Variants in YIPF6 observed in about 807,000 individuals in gnomAD.
YIPF6 encodes the protein protein YIPF6.
A neutral mutation model predicts 16.8 loss-of-function variants in YIPF6; 3 were observed. The ratio of observed to expected loss-of-function variants is 0.18; its 90% CI spans 0.08 to 0.46. YIPF6 has a LOEUF of 0.46. Among genes scored for constraint, YIPF6 ranks in the 20% least tolerant of loss-of-function variants. The pLI, the probability that YIPF6 is intolerant of heterozygous loss-of-function variation, is 0.98. For synonymous variants in YIPF6, 67 were observed against 61.9 expected (o/e 1.08, Z -0.38); for missense variants, 145 against 184.9 (o/e 0.78, Z 1.25).
At chrX:68,513,698 A>G (rs2079090170) in intron 3 of YIPF6, 1 of 127,717 alleles carries the variant, frequency 7.8e-6, no homozygotes, top group African/African-American at 3.2e-5. Context: ...AGTAATTTTC[A>G]TGCCTCAGCC....
intron 1 of YIPF6, among the ~76,000 whole-genome samples, chrX:68,499,622 T>C (rs1266920789): frequency 9.0e-6 from 1 of 111,373 alleles, no homozygotes; most frequent in Admixed American, 9.6e-5. Context: ...ACCATACTTG[T>C]TCTCCTTTCT....
chrX:68,521,612 C>CTCAAA, intron 5 of YIPF6, 115 bp downstream of exon 5: 1 of 818,093 alleles, frequency 1.2e-6, no homozygotes, highest in African/African-American at 2.1e-5. Flanking sequence ...GTCACTCTGT[C>CTCAAA]ACCCAGGCTC....
chrX:68,533,311 C>G lies in YIPF6; in HGVS notation c.*1312C>G, dbSNP rs1384113779. 1 of 111,492 alleles carries G rather than the reference C, an allele frequency of 9.0e-6. No individual in the cohort carries two copies. The highest frequency in any genetic ancestry group is 3.3e-5 in the African/African-American group (1 of 30,664). 9.2% of individuals were successfully genotyped at this position (111,492 alleles called of 1,213,427 possible). On this transcript the variant is annotated 3_prime_UTR_variant, in exon 7 of 7. Coordinates refer to ENST00000462683, the MANE Select transcript of YIPF6 (RefSeq NM_173834.4). ...GCATCTGGGACAGGCTGATTCTGAG[C>G]TAAACAGGGCTCCTTTAAGGCAATA...
chrX:68,503,659 C>T (rs7055305), intron 1 of YIPF6, among the ~76,000 whole-genome samples: 10,651 of 111,357 alleles, frequency 0.096, 1,115 homozygotes, highest in African/African-American at 0.31. Context: ...GGCCAAACTG[C>T]ACAGGTTAAA....
chrX:68,503,938 C>T (rs1017730826), intron 1 of YIPF6, among the ~76,000 whole-genome samples: 1 of 112,008 alleles, frequency 8.9e-6, no homozygotes, highest in Non-Finnish European at 1.9e-5. Context: ...AGGCTGGTCT[C>T]GAACTCCTGA....
chrX:68,499,248 C>G (rs2079031737), intron 1 of YIPF6, 125 bp downstream of exon 1: 7 of 900,053 alleles, frequency 7.8e-6, no homozygotes, highest in Non-Finnish European at 1.1e-5. Context: ...TTCTTGTACC[C>G]GATGCCAGAA....
At chrX:68,518,627 G>A in intron 3 of YIPF6, 143 bp from the exon 4 acceptor site, 1 of 576,181 alleles carries the variant, frequency 1.7e-6, no homozygotes, top group South Asian at 3.0e-5. Context: ...GGGACAGGGA[G>A]GGCAGGTGGT....
Position 68,532,064 on chromosome X carries a change from G to A in YIPF6, c.*65G>A. On this transcript the variant is annotated 3_prime_UTR_variant, in exon 7 of 7. Transcript: ENST00000462683. ...CATCTGAAAGATGCAATTCACCATGGAGCTTTGTCTCTGGCCCTTATTTGT... is the reference window on the plus strand; with the variant it reads ...CATCTGAAAGATGCAATTCACCATGAAGCTTTGTCTCTGGCCCTTATTTGT... The A allele has an allele frequency of 1.1e-6, 1 of 878,370 alleles. No individual in the cohort carries two copies. The highest frequency in any genetic ancestry group is 1.6e-6 in the Non-Finnish European group (1 of 612,150). 72.4% of individuals were successfully genotyped at this position (878,370 alleles called of 1,213,427 possible).
Position 68,518,701 on chromosome X carries a change from GGA to G in YIPF6, c.266-63_266-62del, listed in dbSNP as rs766991158. 81 of 1,118,363 alleles carry G rather than the reference GGA, an allele frequency of 7.2e-5. No homozygotes were observed. The African/African-American group carries it at 1.3e-3, about 17-fold the overall frequency. 92.2% of individuals were successfully genotyped at this position (1,118,363 alleles called of 1,213,427 possible). ...AGCCTTGATGTCTGAATTCTAGGAGGGAGAGAGGTAGATATTAGAATAAAGAC... is the reference window on the plus strand; with the variant it reads ...AGCCTTGATGTCTGAATTCTAGGAGGGAGAGGTAGATATTAGAATAAAGAC... On this transcript the variant is annotated intron_variant, in intron 3 of 6. Transcript: ENST00000462683.
intron 5 of YIPF6, among the ~76,000 whole-genome samples, chrX:68,522,494 T>C (rs1488709278): frequency 9.1e-6 from 1 of 109,492 alleles, no homozygotes; most frequent in Non-Finnish European, 1.9e-5. Context: ...AGAGACGGGG[T>C]TTCACCATGT....
At chrX:68,504,638 C>T (rs1798305031) in intron 1 of YIPF6, among the ~76,000 whole-genome samples, 1 of 112,296 alleles carries the variant, frequency 8.9e-6, no homozygotes, top group South Asian at 3.7e-4. Context: ...AGTGACAGAA[C>T]TGGAATTGAC....
intron 3 of YIPF6, among the ~76,000 whole-genome samples, chrX:68,515,851 C>T (rs979591280): frequency 9.0e-6 from 1 of 111,587 alleles, no homozygotes; most frequent in Non-Finnish European, 1.9e-5. Flanking sequence ...TGTCTGGGCA[C>T]GATGGCTCAT....
chrX:68,510,196 A>G (rs1053011470), intron 1 of YIPF6, among the ~76,000 whole-genome samples: 2 of 111,810 alleles, frequency 1.8e-5, no homozygotes, highest in Middle Eastern at 4.6e-3. Context: ...TGGTCTTTCC[A>G]GCTTCCTATA....
Position 68,534,238 on chromosome X carries a change from A to G in YIPF6, c.*2239A>G, listed in dbSNP as rs1376132279. 1 of 111,197 alleles carries G rather than the reference A, an allele frequency of 9.0e-6. No homozygotes were observed. The highest frequency in any genetic ancestry group is 1.9e-5 in the Non-Finnish European group (1 of 53,040). 9.2% of individuals were successfully genotyped at this position (111,197 alleles called of 1,213,427 possible). A position where few individuals can be genotyped will look rare whatever the true frequency, so the allele number is the denominator to read the frequency against. On this transcript the variant is annotated 3_prime_UTR_variant, in exon 7 of 7. Coordinates refer to ENST00000462683, the MANE Select transcript of YIPF6 (RefSeq NM_173834.4). ...TATTATTTTCACATCATTCTAGTAT[A>G]TGGACTTTGGAAACAAAAGACATTG... is the stretch of plus-strand genomic sequence containing the variant.
rs771767550 is a variant in YIPF6, at chrX:68,528,836, C to T, written c.593-3045C>T. ...CCACTCTCTTCTTGTAGGGTTTCTG[C>T]CGAGAGATCAGCTGTTAGTCTGATG... On this transcript the variant is annotated intron_variant, in intron 6 of 6. Transcript: ENST00000462683. Among the ~76,000 whole-genome samples, 19 of 111,940 alleles carry T rather than the reference C, an allele frequency of 1.7e-4. No homozygotes were observed. The South Asian group carries it at 6.7e-3, about 40-fold the overall frequency.
rs978523772 is a variant in YIPF6 at position 68,500,893 on chromosome X, C to T, written c.57+1770C>T. Among the ~76,000 whole-genome samples the T allele has an allele frequency of 3.6e-5, 4 of 111,996 alleles. No homozygotes were observed. In the East Asian group the frequency reaches 1.1e-3, roughly 32 times the overall value. ...CCTTTGGAAAATGGTGATAGGAACA[C>T]ATCACTGAATTAGTGAGAGTACTAA... On this transcript the variant is annotated intron_variant, in intron 1 of 6. Coordinates refer to ENST00000462683, the MANE Select transcript of YIPF6 (RefSeq NM_173834.4).
intron 5 of YIPF6, among the ~76,000 whole-genome samples, chrX:68,522,073 G>A (rs930464712): frequency 9.9e-5 from 11 of 110,791 alleles, no homozygotes; most frequent in African/African-American, 3.6e-4. Flanking sequence ...ACTTTTTTGT[G>A]TAAGAAGAGT....
intron 4 of YIPF6, 132 bp from the exon 5 acceptor site, chrX:68,521,240 A>G: frequency 1.3e-6 from 1 of 773,771 alleles, no homozygotes; most frequent in East Asian, 3.7e-5. Context: ...TCCTTTTAGC[A>G]CAACCTACAT....
Position 68,532,401 on chromosome X carries a change from C to A in YIPF6, c.*402C>A. 1 of 116,767 alleles carries A rather than the reference C, an allele frequency of 8.6e-6. No homozygotes were observed. The highest frequency in any genetic ancestry group is 1.8e-5 in the Non-Finnish European group (1 of 56,694). 9.6% of individuals were successfully genotyped at this position (116,767 alleles called of 1,213,427 possible). On this transcript the variant is annotated 3_prime_UTR_variant, in exon 7 of 7. Coordinates refer to ENST00000462683, the MANE Select transcript of YIPF6 (RefSeq NM_173834.4). ...CCAGTTCAGGTGCAGCTCTTAAACA[C>A]ATTGCCTTATGACTATTAGAATATG... is the stretch of plus-strand genomic sequence containing the variant.
Sources: allele counts gnomAD v4.1 joint callset (sites outside exome capture counted in the v4.1 genomes callset), GRCh38; gene constraint gnomAD v4.1.1; transcripts MANE v1.5; gene names NCBI Gene and HGNC (gene_info 2026-07-23, HGNC 2026-07-21).